The following IVD variants were observed in gnomAD, a reference collection of about 807,000 sequenced individuals.
IVD encodes isovaleryl-CoA dehydrogenase, also known as isovaleryl-CoA dehydrogenase, mitochondrial.
A neutral mutation model predicts 51.3 loss-of-function variants in IVD; 31 were observed. The ratio of observed to expected loss-of-function variants is 0.60; its 90% confidence interval spans 0.45 to 0.81. The LOEUF (loss-of-function observed/expected upper bound fraction) is 0.81. IVD is among the 40% of genes least tolerant of loss of function. The probability of loss-of-function intolerance (pLI) is 0.00; values close to 1 mark genes in which losing one functional copy is unlikely to be tolerated. For synonymous variants in IVD, 205 were observed against 219.4 expected (o/e 0.93, Z 0.58); for missense variants, 475 against 552.0 (o/e 0.86, Z 1.40).
In IVD at chr15:40,420,152, G is replaced by C. The variant is rs546693286; in HGVS notation, c.*1889G>C. 2.8e-5 allele frequency: 28 copies of C among 985,610 alleles called. No homozygotes were observed. The highest frequency in any genetic ancestry group is 1.1e-4 in the East Asian group (1 of 8,828). The allele number at this position is 985,610 out of a possible 1,614,324, so 61.1% of individuals were successfully genotyped here. On this transcript the variant is annotated 3_prime_UTR_variant, in exon 12 of 12. Transcript: ENST00000487418. ...ACACACATGCTGCTGAGTCCGCAGG[G>C]GGGGCAGAGCAGAGGACAGCGTGCT...
intron 1 of IVD, 142 bp downstream of exon 1, chr15:40,406,113 G>A: frequency 6.5e-7 from 1 of 1,539,840 alleles, no homozygotes; most frequent in Admixed American, 2.0e-5. Context: ...GCCAGCGCGG[G>A]GGCGGGACGC....
rs779421527 is a variant in IVD at position 40,405,980 on chromosome 15, A to G, written c.144+9A>G. The G allele has an allele frequency of 6.3e-7, 1 of 1,587,206 alleles. No homozygotes were observed. Among genetic ancestry groups the G allele is most frequent in the Admixed American group, 1.7e-5 (1 of 57,436 alleles). On this transcript the variant is annotated intron_variant, in intron 1 of 11. Transcript: ENST00000487418. ...GCGAGGAGCAGAGGCAGGTGAGGAG[A>G]CTGACCCCCTTCCTGGCCCCAAGGC...
rs936245878 is a variant in IVD, at chr15:40,421,231, G to A, written c.*2968G>A. On this transcript the variant is annotated 3_prime_UTR_variant, in exon 12 of 12. Coordinates refer to ENST00000487418, the MANE Select transcript of IVD (RefSeq NM_002225.5). ...GTCTGTCTAAGCCCTGTCGACTTGG[G>A]GAGGTGATTTCTTTCCTGGTTCTAT... 4.1e-6 allele frequency: 4 copies of A among 985,304 alleles called. No individual in the cohort carries two copies. Among genetic ancestry groups the A allele is most frequent in the African/African-American group, 1.7e-5 (1 of 57,226 alleles). The allele number at this position is 985,304 out of a possible 1,614,324, so 61.0% of individuals were successfully genotyped here.
chr15:40,425,885 C>T (rs1004081803), downstream of IVD, among the ~76,000 whole-genome samples: 4 of 151,966 alleles, frequency 2.6e-5, no homozygotes, highest in Non-Finnish European at 5.9e-5. Flanking sequence ...TCATGACTAA[C>T]TGCAGCCTTG....
In IVD at chr15:40,411,641, C is replaced by A; in HGVS notation, c.637C>A (p.Leu213Met). Residue 213 changes from leucine to methionine, a missense_variant, in exon 6 of 12, where the codon CTG (leucine) becomes ATG (methionine). Physicochemically the swap from Leu to Met is conservative, Grantham distance 15. Coordinates refer to ENST00000487418, the MANE Select transcript of IVD (RefSeq NM_002225.5). ...CCTGATTGTCTATGCCAAGACAGAT[C>A]TGGCTGCTGTGCCAGCTTCTCGGGG... ...DVLIVYAKTD[L>M]AAVPASRGIT... 6.2e-7 allele frequency: 1 copy of A among 1,614,214 alleles called. No homozygotes were observed. The highest frequency in any genetic ancestry group is 1.1e-5 in the South Asian group (1 of 91,088).
downstream of IVD, chr15:40,435,716 G>GCTCTGCA: frequency 1.0e-6 from 1 of 995,656 alleles, no homozygotes; most frequent in Non-Finnish European, 1.2e-6. Context: ...CTATACCACA[G>GCTCTGCA]CTCTGCACCT....
chr15:40,416,683 C>T (rs971111410), intron 11 of IVD, among the ~76,000 whole-genome samples: 3 of 151,776 alleles, frequency 2.0e-5, no homozygotes, highest in East Asian at 3.9e-4. Context: ...GGTGACAGAG[C>T]GAGAGGCTGT....
chr15:40,412,813 C>CA (rs1891220528), intron 6 of IVD, 178 bp from the exon 7 acceptor site: 2 of 608,542 alleles, frequency 3.3e-6, no homozygotes, highest in African/African-American at 3.7e-5. Flanking sequence ...AGGCTGGGAT[C>CA]AATCTGGGGC....
intron 3 of IVD, among the ~76,000 whole-genome samples, chr15:40,408,823 C>A (rs768210848): frequency 2.6e-5 from 4 of 152,070 alleles, no homozygotes; most frequent in Non-Finnish European, 4.4e-5. Context: ...GGTGGTACAT[C>A]CCTGTAATCC....
In IVD at chr15:40,411,465, G is replaced by T; in HGVS notation, c.551-90G>T. 1.9e-6 allele frequency: 3 copies of T among 1,605,132 alleles called. No homozygotes were observed. The South Asian group carries it at 3.3e-5, about 18-fold the overall frequency. Reference sequence around the variant, plus strand: ...GCTGGGTTTCCAGAACTTTCTCAAAGGTGGACAGCTTCTTGCTCAGCAGAA... The same window carrying T: ...GCTGGGTTTCCAGAACTTTCTCAAATGTGGACAGCTTCTTGCTCAGCAGAA... On this transcript the variant is annotated intron_variant, in intron 5 of 11. Transcript: ENST00000487418.
chr15:40,429,484 G>C (rs1892849897), intron 7 of IVD, among the ~76,000 whole-genome samples: 1 of 152,142 alleles, frequency 6.6e-6, no homozygotes, highest in African/African-American at 2.4e-5. Flanking sequence ...TTAAGACCCA[G>C]CATGAGCACT....
At chr15:40,414,025 T>C (rs1220105638) in intron 7 of IVD, among the ~76,000 whole-genome samples, 2 of 152,094 alleles carry the variant, frequency 1.3e-5, no homozygotes, top group South Asian at 2.1e-4. Context: ...CCAGCTAATT[T>C]TGTATTTTTA....
chr15:40,433,999 G>A (rs553133413), intron 8 of IVD: 96 of 445,890 alleles, frequency 2.2e-4, no homozygotes, highest in Non-Finnish European at 3.3e-4. Flanking sequence ...GCTGCACCAC[G>A]ATACCCATCC....
chr15:40,410,262 A>G (rs1443759021), intron 3 of IVD, among the ~76,000 whole-genome samples: 6 of 152,072 alleles, frequency 3.9e-5, no homozygotes, highest in South Asian at 4.2e-4. Context: ...CTCCACCCCA[A>G]TGCCTTTGTT....
At position 40,411,268 on chromosome 15, in the gene IVD, T is replaced by C. The variant is rs1262154668; in HGVS notation, c.465T>C (p.Ser155=). ...GGGGGTTTTCCTTGCAGCTGATCAG[T>C]GGTGAGTACATCGGAGCCCTGGCCA... The part of the protein sequence containing the change: ...QKEKYLPKLI[S]GEYIGALAMS... Residue 155 remains serine, a synonymous_variant, in exon 5 of 12, where the codon AGT becomes AGC. Coordinates refer to ENST00000487418, the MANE Select transcript of IVD (RefSeq NM_002225.5). The C allele has an allele frequency of 6.2e-7, 1 of 1,613,986 alleles. No homozygotes were observed. The highest frequency in any genetic ancestry group is 1.1e-5 in the South Asian group (1 of 91,082).
At chr15:40,429,492 A>G (rs1215520115) in intron 7 of IVD, among the ~76,000 whole-genome samples, 1 of 152,162 alleles carries the variant, frequency 6.6e-6, no homozygotes, top group Non-Finnish European at 1.5e-5. Context: ...CAGCATGAGC[A>G]CTAACCCATC....
intron 7 of IVD, among the ~76,000 whole-genome samples, chr15:40,414,234 A>G (rs1254643554): frequency 6.6e-6 from 1 of 152,214 alleles, no homozygotes; most frequent in Non-Finnish European, 1.5e-5. Flanking sequence ...TGACAGCCCA[A>G]AAAAGTGTAC....
At chr15:40,433,919 T>C (rs546825994) in intron 8 of IVD, 38 of 456,674 alleles carry the variant, frequency 8.3e-5, no homozygotes, top group African/African-American at 6.6e-4. Flanking sequence ...ATGAAGGTAC[T>C]ATTAGAGATT....
downstream of IVD, chr15:40,424,285 C>T: frequency 1.2e-6 from 1 of 845,656 alleles, no homozygotes; most frequent in Non-Finnish European, 1.7e-6. Flanking sequence ...CTGCTGCTTC[C>T]CTCCTTCCCT....
Sources: gnomAD v4.1 joint callset for allele counts (sites outside exome capture counted in the v4.1 genomes callset) on GRCh38, gnomAD v4.1.1 for gene constraint, MANE v1.5 for transcripts, NCBI Gene and HGNC (gene_info 2026-07-23, HGNC 2026-07-21) for gene names.